Variants in NADSYN1 observed in about 807,000 individuals in gnomAD.
NADSYN1 encodes NAD synthetase 1.
NADSYN1 carries 80 observed loss-of-function variants against 99.3 expected under a neutral mutation model. That is an observed-to-expected ratio of 0.81 (90% CI 0.67 to 0.97). The LOEUF (loss-of-function observed/expected upper bound fraction) is 0.97, where lower values mean the gene tolerates loss of function less well. Among genes scored for constraint, NADSYN1 ranks in the 50% least tolerant of loss-of-function variants. The pLI is 0.00. For missense variants in NADSYN1, 859 were observed against 948.5 expected (o/e 0.91, Z 1.24); for synonymous variants, 385 against 372.1 (o/e 1.03, Z -0.40).
intron 15 of NADSYN1, 87 bp from the exon 16 acceptor site, chr11:71,485,455 T>G: frequency 9.7e-7 from 1 of 1,030,446 alleles, no homozygotes; most frequent in Non-Finnish European, 1.4e-6. Flanking sequence ...CTATTTTAAT[T>G]TTCTTGTTTT....
chr11:71,477,043 C>T, intron 9 of NADSYN1: 1 of 1,073,514 alleles, frequency 9.3e-7, no homozygotes, highest in Non-Finnish European at 1.1e-6. Flanking sequence ...CTCCGTGGTG[C>T]ACCTGAAATG....
intron 5 of NADSYN1, among the ~76,000 whole-genome samples, chr11:71,469,959 C>T (rs760257904): frequency 1.3e-4 from 19 of 147,244 alleles, no homozygotes; most frequent in Non-Finnish European, 1.8e-4. Context: ...TGTGTTAGTC[C>T]GTTTTCATGC....
intron 20 of NADSYN1, chr11:71,500,087 T>G (rs1949847747): frequency 6.6e-6 from 1 of 151,844 alleles, no homozygotes; most frequent in South Asian, 2.1e-4. Context: ...TCCTGAGGAG[T>G]CTACACTGAG....
At position 71,464,050 on chromosome 11, in the gene NADSYN1, C is replaced by T. The variant is rs752390650; in HGVS notation, c.318-3C>T. On this transcript the variant is annotated splice_polypyrimidine_tract_variant and splice_region_variant and intron_variant, in intron 4 of 20. Transcript: ENST00000319023. The stretch of plus-strand genomic sequence containing the variant: ...GTGCACAGCCCTGTTCCCCTGTCTG[C>T]AGGAAGATCCTGCTCATCAGACCCA... 1 of 1,609,306 alleles carries T rather than the reference C, an allele frequency of 6.2e-7. No individual in the cohort carries two copies. Among genetic ancestry groups the T allele is most frequent in the Non-Finnish European group, 8.5e-7 (1 of 1,177,682 alleles).
At chr11:71,484,508 A>G (rs1214244953) in intron 15 of NADSYN1, 61 bp downstream of exon 15, 15 of 1,553,666 alleles carry the variant, frequency 9.7e-6, no homozygotes, top group African/African-American at 4.1e-5. Flanking sequence ...TGGGACAATC[A>G]CTACAGGATG....
At chr11:71,500,081 G>T (rs1949847696) in intron 20 of NADSYN1, 3 of 152,092 alleles carry the variant, frequency 2.0e-5, no homozygotes, top group Non-Finnish European at 4.4e-5. Flanking sequence ...GATAAATCCT[G>T]AGGAGTCTAC....
At chr11:71,464,277 A>G (rs1445973252) in intron 5 of NADSYN1, 135 bp downstream of exon 5, 1 of 704,832 alleles carries the variant, frequency 1.4e-6, no homozygotes, top group Non-Finnish European at 2.3e-6. Flanking sequence ...GAATGGGACA[A>G]AAAGCACAAA....
chr11:71,472,365 G>T, intron 5 of NADSYN1, 84 bp from the exon 6 acceptor site: 1 of 1,157,796 alleles, frequency 8.6e-7, no homozygotes, highest in Non-Finnish European at 1.3e-6. Context: ...GGAGGGTTCA[G>T]TTTGAGTTTT....
intron 19 of NADSYN1, 62 bp from the exon 20 acceptor site, chr11:71,498,290 A>C: frequency 6.3e-7 from 1 of 1,584,326 alleles, no homozygotes; most frequent in Non-Finnish European, 8.6e-7. Flanking sequence ...CAGCATGGGA[A>C]TTCCGGCCTG....
In NADSYN1 at chr11:71,497,582, AT is replaced by A. The variant is rs1565608856; in HGVS notation, c.1865del (p.Met622SerfsTer15). 1.9e-6 allele frequency: 3 copies of A among 1,614,162 alleles called. No homozygotes were observed. The highest frequency in any genetic ancestry group is 8.5e-7 in the Non-Finnish European group (1 of 1,180,032). On this transcript the variant is annotated frameshift_variant, in exon 19 of 21. Transcript: ENST00000319023. LOFTEE classifies it high-confidence loss of function. ...PYSMFCKLLGMWRHICTPRQV... is the reference protein window; with the variant it reads ...PYSMFCKLLGXWRHICTPRQV... ...CAGCATGTTCTGCAAACTCCTCGGC[AT>A]GTGGAGACACATCTGCACCCCGAGA...
intron 20 of NADSYN1, among the ~76,000 whole-genome samples, chr11:71,500,642 G>T (rs1177012070): frequency 6.6e-6 from 1 of 152,196 alleles, no homozygotes; most frequent in African/African-American, 2.4e-5. Flanking sequence ...AAGAGATACT[G>T]TATCTGGCTG....
At chr11:71,459,160 C>T (rs536418865) in intron 3 of NADSYN1, 25 of 163,676 alleles carry the variant, frequency 1.5e-4, no homozygotes, top group South Asian at 8.7e-4. Flanking sequence ...CTGTGCTGTA[C>T]CCTGCATAGC....
chr11:71,483,314 T>G (rs1305432162), intron 14 of NADSYN1, among the ~76,000 whole-genome samples: 1 of 152,042 alleles, frequency 6.6e-6, no homozygotes, highest in Non-Finnish European at 1.5e-5. Context: ...TGTGTGTGAG[T>G]CCTCCCTATC....
chr11:71,473,110 A>C (rs1218509357), intron 6 of NADSYN1, among the ~76,000 whole-genome samples, 168 bp from the exon 7 acceptor site: 1 of 152,082 alleles, frequency 6.6e-6, no homozygotes, highest in Non-Finnish European at 1.5e-5. Context: ...GCCTGGCACC[A>C]CCCGGTGTCC....
At chr11:71,464,786 G>A (rs1949576201) in intron 5 of NADSYN1, among the ~76,000 whole-genome samples, 1 of 144,524 alleles carries the variant, frequency 6.9e-6, no homozygotes, top group South Asian at 2.2e-4. Flanking sequence ...AGAATGGCAT[G>A]AACCCAGGAG....
At chr11:71,458,630 G>A (rs543915846) in intron 3 of NADSYN1, 86 bp downstream of exon 3, 4 of 930,702 alleles carry the variant, frequency 4.3e-6, no homozygotes, top group East Asian at 2.4e-5. Context: ...CTCCATCCAG[G>A]GTGTGGAACA....
chr11:71,464,209 C>T, intron 5 of NADSYN1, 67 bp downstream of exon 5: 2 of 1,315,046 alleles, frequency 1.5e-6, no homozygotes, highest in Middle Eastern at 3.7e-4. Flanking sequence ...AGCCTTGGGT[C>T]CTGATCATGG....
At chr11:71,456,782 A>T (rs1949517535) in intron 2 of NADSYN1, among the ~76,000 whole-genome samples, 1 of 152,246 alleles carries the variant, frequency 6.6e-6, no homozygotes, top group Non-Finnish European at 1.5e-5. Context: ...CAAGTAGCTT[A>T]CAACCTGCTG....
In NADSYN1 at chr11:71,487,847, A is replaced by G. The variant is rs1388293129; in HGVS notation, c.1562+2199A>G. On this transcript the variant is annotated intron_variant, in intron 16 of 20. Transcript: ENST00000319023. ...CTCCGTCTCAAAAAAAAAAAAAAAA[A>G]AAAGAAAAGAAAAGAAAATAAGCAA... Among the ~76,000 whole-genome samples the G allele has an allele frequency of 2.7e-4, 40 of 149,174 alleles. 1 individual carries two copies. Among genetic ancestry groups the G allele is most frequent in the South Asian group, 2.1e-4 (1 of 4,720 alleles).
Sources: allele counts gnomAD v4.1 joint callset (sites outside exome capture counted in the v4.1 genomes callset), GRCh38; gene constraint gnomAD v4.1.1; transcripts MANE v1.5; gene names NCBI Gene and HGNC (gene_info 2026-07-23, HGNC 2026-07-21).